PAG1: variants seen among roughly 807,000 people sequenced by gnomAD.
The protein encoded by PAG1 is phosphoprotein associated with glycosphingolipid-enriched microdomains 1.
In PAG1, 23 loss-of-function variants were observed where a neutral mutation model predicts 31.7. The observed-to-expected ratio is 0.73, with a 90% CI of 0.52 to 1.03. The LOEUF (loss-of-function observed/expected upper bound fraction) is 1.03. Among genes scored for constraint, PAG1 ranks in the 50% least tolerant of loss-of-function variants. The pLI, the probability that PAG1 is intolerant of heterozygous loss-of-function variation, is 0.00. For synonymous variants in PAG1, 214 were observed against 210.3 expected, an observed-to-expected ratio of 1.02 and a Z score of -0.15; for missense variants, 473 against 540.7, an observed-to-expected ratio of 0.87 and a Z score of 1.24.
chr8:81,014,394 AAACT>A (rs1302645173), intron 3 of PAG1, among the ~76,000 whole-genome samples: 1 of 152,246 alleles, frequency 6.6e-6, no homozygotes, highest in Non-Finnish European at 1.5e-5. Context: ...AGTTCAAAAC[AAACT>A]ATTTACTCTG....
At chr8:81,042,912 C>T (rs1808578626) in intron 2 of PAG1, among the ~76,000 whole-genome samples, 1 of 152,172 alleles carries the variant, frequency 6.6e-6, no homozygotes, top group Non-Finnish European at 1.5e-5. Context: ...AACTGGCTCT[C>T]ATCTCACGGC....
At chr8:81,077,041 G>A (rs1427767603) in intron 1 of PAG1, among the ~76,000 whole-genome samples, 2 of 152,318 alleles carry the variant, frequency 1.3e-5, no homozygotes, top group South Asian at 2.1e-4. Context: ...CACGTTCATA[G>A]AATCGTAGAG....
intron 7 of PAG1, among the ~76,000 whole-genome samples, chr8:80,984,319 C>T (rs987644825): frequency 5.9e-5 from 9 of 152,146 alleles, no homozygotes; most frequent in African/African-American, 2.2e-4. Context: ...AAGGTTTGTA[C>T]AATCAGATAT....
intron 5 of PAG1, 30 bp from the exon 6 acceptor site, chr8:80,987,496 T>C: frequency 7.0e-7 from 1 of 1,426,704 alleles, no homozygotes; most frequent in Non-Finnish European, 9.9e-7. Context: ...CAAAAACAAA[T>C]GCATCACATT....
chr8:81,011,751 G>A (rs566333185), intron 3 of PAG1, among the ~76,000 whole-genome samples: 2 of 152,328 alleles, frequency 1.3e-5, no homozygotes, highest in South Asian at 4.1e-4. Flanking sequence ...CATGCAATAT[G>A]CACATGTTGG....
chr8:81,011,565 C>A (rs1367143355), intron 3 of PAG1, among the ~76,000 whole-genome samples: 1 of 152,130 alleles, frequency 6.6e-6, no homozygotes, highest in African/African-American at 2.4e-5. Context: ...CTAATACATG[C>A]ACTTACAGCA....
At chr8:81,037,634 A>G (rs1345526923) in intron 2 of PAG1, among the ~76,000 whole-genome samples, 2 of 152,244 alleles carry the variant, frequency 1.3e-5, no homozygotes, top group African/African-American at 4.8e-5. Context: ...ATGTTGCTTT[A>G]GTGAATAGAA....
intron 3 of PAG1, among the ~76,000 whole-genome samples, chr8:81,003,576 G>C (rs1349520798): frequency 1.3e-5 from 2 of 152,202 alleles, no homozygotes; most frequent in Non-Finnish European, 2.9e-5. Flanking sequence ...TAGAAGTACA[G>C]ACCAGGTTCT....
At chr8:81,006,117 A>G (rs1222592718) in intron 3 of PAG1, among the ~76,000 whole-genome samples, 1 of 151,230 alleles carries the variant, frequency 6.6e-6, no homozygotes, top group Non-Finnish European at 1.5e-5. Context: ...TAATATTTGT[A>G]TCTTTAGTAC....
In PAG1 at chr8:81,056,663, A is replaced by G. The variant is rs543697897; in HGVS notation, c.-175+13449T>C. On this transcript the variant is annotated intron_variant, in intron 2 of 8. Transcript: ENST00000220597. The stretch of plus-strand genomic sequence containing the variant: ...ATCATTCAGGACATAGGCACGGGCA[A>G]GGACTTCATGTCTAAAACACCAAAA... Among the ~76,000 whole-genome samples the G allele has an allele frequency of 1.4e-3, 211 of 152,352 alleles. 1 individual carries two copies. Among genetic ancestry groups the G allele is most frequent in the African/African-American group, 4.9e-3 (205 of 41,586 alleles).
In PAG1 at chr8:81,099,749, G is replaced by A. The variant is rs797012828; in HGVS notation, c.-234+11842C>T. On this transcript the variant is annotated intron_variant, in intron 1 of 8. Coordinates refer to ENST00000220597, the MANE Select transcript of PAG1 (RefSeq NM_018440.4). ...ATGAGAACTGCACACAGGCACAAGG[G>A]AGCTTTTTGGGGTGATAGAAAAGTC... 1.9e-4 allele frequency among the ~76,000 whole-genome samples: 29 copies of A among 152,336 alleles called. 1 individual carries two copies. Among genetic ancestry groups the A allele is most frequent in the African/African-American group, 7.0e-4 (29 of 41,578 alleles).
chr8:81,081,302 TTG>T (rs1317751088), intron 1 of PAG1, among the ~76,000 whole-genome samples: 2 of 152,232 alleles, frequency 1.3e-5, no homozygotes, highest in African/African-American at 4.8e-5. Flanking sequence ...TGATATAGCA[TTG>T]TGTTTTCAAA....
chr8:81,075,627 C>T (rs1809164338), intron 1 of PAG1, among the ~76,000 whole-genome samples: 1 of 152,222 alleles, frequency 6.6e-6, no homozygotes, highest in Admixed American at 6.5e-5. Context: ...TATTGTTACA[C>T]TGATCCTACA....
chr8:80,995,331 A>G (rs565036763), intron 3 of PAG1, among the ~76,000 whole-genome samples: 1 of 152,350 alleles, frequency 6.6e-6, no homozygotes, highest in Admixed American at 6.5e-5. Flanking sequence ...GATTGTATGT[A>G]TATTGTGCCT....
intron 1 of PAG1, among the ~76,000 whole-genome samples, chr8:81,097,963 C>T (rs188950955): frequency 7.9e-5 from 12 of 152,298 alleles, no homozygotes; most frequent in South Asian, 4.1e-4. Flanking sequence ...CTATAATTTG[C>T]AGAAATTGGA....
chr8:81,046,666 A>G (rs1409251506), intron 2 of PAG1, among the ~76,000 whole-genome samples: 1 of 152,148 alleles, frequency 6.6e-6, no homozygotes, highest in African/African-American at 2.4e-5. Context: ...CCCCGTTTCT[A>G]AGGTCTTTTT....
rs528065897 is a variant in PAG1, at chr8:80,974,453, A to G, written c.*2091T>C. ...CAAGGTACGAACTTCTCTCTAATCCAAGGGTATTCTGCTGTGATCTTCTAA... is the reference window on the plus strand; with the variant it reads ...CAAGGTACGAACTTCTCTCTAATCCGAGGGTATTCTGCTGTGATCTTCTAA... On this transcript the variant is annotated 3_prime_UTR_variant, in exon 9 of 9. Transcript: ENST00000220597. 1.3e-5 allele frequency: 2 copies of G among 152,352 alleles called. No homozygotes were observed. The highest frequency in any genetic ancestry group is 2.4e-5 in the African/African-American group (1 of 41,582). The allele number at this position is 152,352 out of a possible 1,614,324, so 9.4% of individuals were successfully genotyped here.
chr8:81,077,455 T>C (rs1809196992), intron 1 of PAG1, among the ~76,000 whole-genome samples: 1 of 152,226 alleles, frequency 6.6e-6, no homozygotes, highest in Admixed American at 6.5e-5. Flanking sequence ...ACCCACAGAT[T>C]GCAGGGAACA....
intron 4 of PAG1, among the ~76,000 whole-genome samples, chr8:80,992,143 AC>A: frequency 9.1e-6 from 1 of 110,436 alleles, no homozygotes; most frequent in East Asian, 3.0e-4. Flanking sequence ...ATGAGTAACT[AC>A]AGAAGCAGGC....
Sources: allele counts gnomAD v4.1 joint callset (sites outside exome capture counted in the v4.1 genomes callset), GRCh38; gene constraint gnomAD v4.1.1; transcripts MANE v1.5; gene names NCBI Gene and HGNC (gene_info 2026-07-23, HGNC 2026-07-21).